The following FSIP1 variants were observed in gnomAD, a reference collection of about 807,000 sequenced individuals.
FSIP1 encodes the protein fibrous sheath-interacting protein 1.
Under a neutral mutation model 60.9 loss-of-function variants are expected in FSIP1, and 65 were observed. The ratio of observed to expected loss-of-function variants is 1.07; its 90% confidence interval spans 0.87 to 1.31. The LOEUF is 1.31. FSIP1 is among the 40% of genes most tolerant of loss of function. The pLI, the probability that FSIP1 is intolerant of heterozygous loss-of-function variation, is 0.00. For missense variants in FSIP1, 675 were observed against 665.5 expected (o/e 1.01, Z -0.16); for synonymous variants, 209 against 221.2 (o/e 0.94, Z 0.49).
At chr15:39,645,162 G>A (rs1892538945) in intron 10 of FSIP1, among the ~76,000 whole-genome samples, 1 of 152,214 alleles carries the variant, frequency 6.6e-6, no homozygotes, top group African/African-American at 2.4e-5. Flanking sequence ...ATGGAGAAAA[G>A]AGAAACTTTC....
chr15:39,676,323 A>T lies in FSIP1; in HGVS notation c.1188+37121T>A, dbSNP rs541267964. 8.5e-5 allele frequency among the ~76,000 whole-genome samples: 13 copies of T among 152,298 alleles called. No homozygotes were observed. In the South Asian group the frequency reaches 2.1e-3, roughly 24 times the overall value. ...GTCACATCATTCATCTTGCCACAAT[A>T]CAGTGTCCATCTGTGACCATTTTTG... On this transcript the variant is annotated intron_variant, in intron 10 of 11. Coordinates refer to ENST00000350221, the MANE Select transcript of FSIP1 (RefSeq NM_152597.5).
chr15:39,714,687 G>C (rs766438374), intron 9 of FSIP1, among the ~76,000 whole-genome samples: 1 of 151,736 alleles, frequency 6.6e-6, no homozygotes, highest in Non-Finnish European at 1.5e-5. Flanking sequence ...GGGAAGGACA[G>C]GACAGGCCTG....
intron 10 of FSIP1, among the ~76,000 whole-genome samples, chr15:39,683,105 T>C (rs115822031): frequency 2.5e-4 from 38 of 152,290 alleles, no homozygotes; most frequent in African/African-American, 8.9e-4. Context: ...CAGCAGAAGT[T>C]AACAGGGTGG....
chr15:39,775,738 A>C lies in FSIP1; in HGVS notation c.126+661T>G, dbSNP rs918294067. On this transcript the variant is annotated intron_variant, in intron 2 of 11. Coordinates refer to ENST00000350221, the MANE Select transcript of FSIP1 (RefSeq NM_152597.5). ...TCTCTCTCTCCTGCTCCAACCATGT[A>C]GGATGTGCCAGCTTCCCCTTCACCT... 2.0e-5 allele frequency among the ~76,000 whole-genome samples: 3 copies of C among 152,254 alleles called. No individual in the cohort carries two copies. The East Asian group carries it at 5.8e-4, about 29-fold the overall frequency.
intron 5 of FSIP1, among the ~76,000 whole-genome samples, chr15:39,757,506 G>T (rs2140685977): frequency 6.6e-6 from 1 of 152,100 alleles, no homozygotes; most frequent in Non-Finnish European, 1.5e-5. Flanking sequence ...TAAGGTAATA[G>T]TTATGTAGTC....
intron 10 of FSIP1, among the ~76,000 whole-genome samples, chr15:39,638,078 T>G (rs1290927436): frequency 6.6e-6 from 1 of 152,246 alleles, no homozygotes; most frequent in East Asian, 1.9e-4. Context: ...TCTTGATCCC[T>G]CATTCTTTTT....
At chr15:39,658,829 A>G (rs1893176753) in intron 10 of FSIP1, among the ~76,000 whole-genome samples, 1 of 152,240 alleles carries the variant, frequency 6.6e-6, no homozygotes, top group Admixed American at 6.5e-5. Flanking sequence ...CAAGATAACT[A>G]AAAACATGTC....
intron 5 of FSIP1, among the ~76,000 whole-genome samples, chr15:39,761,481 AATACTAC>A (rs1404093292): frequency 6.6e-6 from 1 of 152,230 alleles, no homozygotes; most frequent in Middle Eastern, 3.2e-3. Flanking sequence ...CAAAAAGACA[AATACTAC>A]ATGTTCCCAT....
chr15:39,742,366 G>C (rs1896833113), intron 5 of FSIP1, among the ~76,000 whole-genome samples: 1 of 152,178 alleles, frequency 6.6e-6, no homozygotes, highest in Admixed American at 6.5e-5. Flanking sequence ...GAGACTCTTA[G>C]CAGTTAACTT....
At position 39,633,091 on chromosome 15, in the gene FSIP1, C is replaced by CTTTTTTTTTTTTTTTTTTTT. The variant is rs869063502; in HGVS notation, c.1189-14866_1189-14847dup. On this transcript the variant is annotated intron_variant, in intron 10 of 11. Transcript: ENST00000350221. ...AATCTTCCCCACATAGGCTATACTTCTTTTTTTTTTTTTTTTTTTTGAGAT... is the reference window on the plus strand; with the variant it reads ...AATCTTCCCCACATAGGCTATACTTCTTTTTTTTTTTTTTTTTTTTTTTTTTTTTTTTTTTTTTTTGAGAT... Among the ~76,000 whole-genome samples, 47 of 112,886 alleles carry CTTTTTTTTTTTTTTTTTTTT rather than the reference C, an allele frequency of 4.2e-4. 1 individual carries two copies. The highest frequency in any genetic ancestry group is 1.6e-3 in the African/African-American group (44 of 27,106). 74.1% of individuals were successfully genotyped at this position (112,886 alleles called of 152,430 possible). A position where few individuals can be genotyped will look rare whatever the true frequency, so the allele number is the denominator to read the frequency against.
chr15:39,716,729 G>A (rs1444999465), intron 9 of FSIP1, among the ~76,000 whole-genome samples: 2 of 151,028 alleles, frequency 1.3e-5, no homozygotes, highest in East Asian at 3.9e-4. Context: ...CCAAATGTTG[G>A]AAATGTGTGA....
At chr15:39,736,941 T>A (rs1896631595) in intron 8 of FSIP1, among the ~76,000 whole-genome samples, 1 of 152,108 alleles carries the variant, frequency 6.6e-6, no homozygotes, top group South Asian at 2.1e-4. Flanking sequence ...TCCTGGGCTG[T>A]TTGGCTCAGG....
intron 10 of FSIP1, among the ~76,000 whole-genome samples, chr15:39,712,693 A>AG: frequency 1.3e-5 from 2 of 152,200 alleles, no homozygotes; most frequent in African/African-American, 2.4e-5. Flanking sequence ...AAAACATTCT[A>AG]TGGGTAGTGG....
At chr15:39,725,329 C>A (rs1416806110) in intron 9 of FSIP1, among the ~76,000 whole-genome samples, 1 of 152,184 alleles carries the variant, frequency 6.6e-6, no homozygotes, top group Non-Finnish European at 1.5e-5. Flanking sequence ...TGCAGAATTT[C>A]AAATCAATAG....
At chr15:39,767,980 CAA>C (rs1897750644) in intron 3 of FSIP1, among the ~76,000 whole-genome samples, 1 of 152,212 alleles carries the variant, frequency 6.6e-6, no homozygotes, top group Non-Finnish European at 1.5e-5. Flanking sequence ...CTGATTAACA[CAA>C]GCCGCCAGCA....
chr15:39,617,754 A>C lies in FSIP1; in HGVS notation c.1680T>G (p.Ser560=), dbSNP rs1891286223. ...SSEDQHLKLS[S]PENTIADEQE... Reference sequence around the variant, plus strand: ...CCTCACCTGCTATTGTATTCTCTGGAGAACTGAGTTTCAGATGTTGGTCTT... The same window carrying C: ...CCTCACCTGCTATTGTATTCTCTGGCGAACTGAGTTTCAGATGTTGGTCTT... The change falls in exon 11 of 12, where the codon TCT becomes TCG. Residue 560 remains serine, a synonymous_variant. Transcript: ENST00000350221. 1 of 1,613,430 alleles carries C rather than the reference A, an allele frequency of 6.2e-7. No individual in the cohort carries two copies. The highest frequency in any genetic ancestry group is 8.5e-7 in the Non-Finnish European group (1 of 1,179,658).
At chr15:39,626,894 T>G (rs1479621029) in intron 10 of FSIP1, among the ~76,000 whole-genome samples, 4 of 152,156 alleles carry the variant, frequency 2.6e-5, no homozygotes, top group Admixed American at 6.5e-5. Flanking sequence ...CCTTAATACT[T>G]GATCAGTGCC....
At chr15:39,599,690 C>G (rs547990637), downstream of FSIP1, among the ~76,000 whole-genome samples, 4 of 152,296 alleles carry the variant, frequency 2.6e-5, no homozygotes, top group African/African-American at 9.6e-5. Flanking sequence ...CACCTTTGCC[C>G]TCTGATTCTT....
intron 5 of FSIP1, among the ~76,000 whole-genome samples, chr15:39,762,835 A>G: frequency 6.6e-6 from 1 of 152,238 alleles, no homozygotes; most frequent in East Asian, 1.9e-4. Context: ...GAGGAGGAGA[A>G]TGAACACAAA....
Sources: allele counts gnomAD v4.1 joint callset (sites outside exome capture counted in the v4.1 genomes callset), GRCh38; gene constraint gnomAD v4.1.1; transcripts MANE v1.5; gene names NCBI Gene and HGNC (gene_info 2026-07-23, HGNC 2026-07-21).